The following PTPRG variants were observed in gnomAD, a reference collection of about 807,000 sequenced individuals.
PTPRG encodes the protein receptor-type tyrosine-protein phosphatase gamma.
Under a neutral mutation model 165.3 loss-of-function variants are expected in PTPRG, and 102 were observed. That is an observed-to-expected ratio of 0.62 (90% CI 0.53 to 0.73). PTPRG has a LOEUF of 0.73. Ranked by LOEUF, PTPRG falls within the 30% of genes least tolerant of loss-of-function variation. The pLI is 0.00. For missense variants in PTPRG, 1,866 were observed against 1,861.4 expected, an observed-to-expected ratio of 1.00 and a Z score of -0.05; for synonymous variants, 675 against 669.5, an observed-to-expected ratio of 1.01 and a Z score of -0.13.
chr3:61,857,824 A>G (rs1217751346), intron 2 of PTPRG, among the ~76,000 whole-genome samples: 2 of 152,180 alleles, frequency 1.3e-5, no homozygotes, highest in African/African-American at 4.8e-5. Flanking sequence ...GAAATGACGT[A>G]AGGTGGGTGA....
intron 5 of PTPRG, among the ~76,000 whole-genome samples, chr3:62,090,572 C>T (rs571268134): frequency 5.9e-5 from 9 of 152,148 alleles, no homozygotes; most frequent in Non-Finnish European, 1.2e-4. Context: ...TGTCCTCATC[C>T]GACTAAAACA....
intron 5 of PTPRG, among the ~76,000 whole-genome samples, chr3:62,093,336 C>A (rs1026502252): frequency 1.3e-5 from 2 of 152,200 alleles, no homozygotes; most frequent in African/African-American, 4.8e-5. Context: ...GATCCTCCCG[C>A]CCTCTGCTTC....
At chr3:61,794,596 G>A (rs1575669000) in intron 2 of PTPRG, among the ~76,000 whole-genome samples, 1 of 152,184 alleles carries the variant, frequency 6.6e-6, no homozygotes, top group Non-Finnish European at 1.5e-5. Context: ...AGCATGCTTT[G>A]CTTACACCAG....
chr3:61,920,279 A>T (rs973689615), intron 2 of PTPRG, among the ~76,000 whole-genome samples: 1 of 152,204 alleles, frequency 6.6e-6, no homozygotes, highest in Non-Finnish European at 1.5e-5. Flanking sequence ...CCATGTCTAG[A>T]AATGCTCATC....
chr3:61,910,447 C>T (rs571417040), intron 2 of PTPRG, among the ~76,000 whole-genome samples: 1 of 152,192 alleles, frequency 6.6e-6, no homozygotes, highest in Non-Finnish European at 1.5e-5. Context: ...TGGTAACTCA[C>T]TGTTTTACCT....
chr3:61,912,032 T>C (rs937440553), intron 2 of PTPRG, among the ~76,000 whole-genome samples: 1 of 152,222 alleles, frequency 6.6e-6, no homozygotes, highest in African/African-American at 2.4e-5. Flanking sequence ...GATGTCCTTC[T>C]AATGTAATTA....
intron 2 of PTPRG, among the ~76,000 whole-genome samples, chr3:61,905,799 A>G (rs1181262475): frequency 6.6e-6 from 1 of 152,216 alleles, no homozygotes; most frequent in African/African-American, 2.4e-5. Flanking sequence ...AAATAAAAGC[A>G]AGGGCCAAAG....
rs201153899 is a variant in PTPRG, at chr3:61,661,067, T to TA, written c.86-87806dup. Among the ~76,000 whole-genome samples the TA allele has an allele frequency of 1.4e-4, 21 of 151,234 alleles. No homozygotes were observed. The East Asian group carries it at 2.5e-3, about 18-fold the overall frequency. On this transcript the variant is annotated intron_variant, in intron 1 of 29. Transcript: ENST00000474889. Reference sequence around the variant, plus strand: ...TTTGGACACTTTTTCCCCCCCTAATTAAAAATTTTTTTTTTTTCTTTAAGA... The same window carrying TA: ...TTTGGACACTTTTTCCCCCCCTAATTAAAAAATTTTTTTTTTTTCTTTAAGA...
At chr3:61,692,433 A>G (rs1045226499) in intron 1 of PTPRG, among the ~76,000 whole-genome samples, 1 of 152,224 alleles carries the variant, frequency 6.6e-6, no homozygotes, top group Non-Finnish European at 1.5e-5. Flanking sequence ...TGTTTGGTAG[A>G]TATTAGCTGC....
chr3:61,716,178 T>A (rs758779113), intron 1 of PTPRG, among the ~76,000 whole-genome samples: 21 of 152,210 alleles, frequency 1.4e-4, no homozygotes, highest in Admixed American at 6.5e-4. Flanking sequence ...GAATTGGGGA[T>A]CACGTCACAA....
chr3:61,584,894 C>T (rs1700395682), intron 1 of PTPRG, among the ~76,000 whole-genome samples: 1 of 152,164 alleles, frequency 6.6e-6, no homozygotes, highest in Non-Finnish European at 1.5e-5. Context: ...TTGAAGACTG[C>T]TCTGTGTTTG....
intron 1 of PTPRG, among the ~76,000 whole-genome samples, chr3:61,673,226 A>G (rs533854050): frequency 6.6e-6 from 1 of 152,362 alleles, no homozygotes; most frequent in South Asian, 2.1e-4. Flanking sequence ...CCCTGCATGT[A>G]AAACAAAAAT....
At chr3:62,128,227 A>G (rs781223524) in intron 5 of PTPRG, among the ~76,000 whole-genome samples, 9 of 152,224 alleles carry the variant, frequency 5.9e-5, no homozygotes, top group African/African-American at 1.9e-4. Context: ...TCTGCAGGGA[A>G]AGGGGGTGTC....
chr3:61,790,586 T>C (rs654033), intron 2 of PTPRG, among the ~76,000 whole-genome samples: 45,725 of 152,062 alleles, frequency 0.3, 7,431 homozygotes, highest in East Asian at 0.52. Context: ...AGTTTATAGA[T>C]GTATACTTTC....
In PTPRG at chr3:62,269,020, TTTTTC is replaced by T; in HGVS notation, c.2875-11_2875-7del. 2.6e-6 allele frequency: 4 copies of T among 1,537,076 alleles called. No individual in the cohort carries two copies. The highest frequency in any genetic ancestry group is 3.5e-6 in the Non-Finnish European group (4 of 1,131,960). On this transcript the variant is annotated splice_polypyrimidine_tract_variant and intron_variant, in intron 19 of 29. Transcript: ENST00000474889. ...TAGATTGCAGTTATACTTTACAACTTTTTTCTTTCTGCAGCGAAAATGTGATCAGT... is the reference window on the plus strand; with the variant it reads ...TAGATTGCAGTTATACTTTACAACTTTTTCTGCAGCGAAAATGTGATCAGT...
In PTPRG at chr3:62,210,957, A is replaced by G. The variant is rs539439382; in HGVS notation, c.2155+7007A>G. On this transcript the variant is annotated intron_variant, in intron 12 of 29. Coordinates refer to ENST00000474889, the MANE Select transcript of PTPRG (RefSeq NM_002841.4). This position sits in a 1 kb window ranked among gnomAD's most constrained non-coding sequence, Gnocchi z 4.1. ...AAAAGTTATACATGAATTTCTGACT[A>G]TTCAGGGATTAGCACCCCTAATGCC... 5.3e-4 allele frequency among the ~76,000 whole-genome samples: 81 copies of G among 152,334 alleles called. No individual in the cohort carries two copies. The highest frequency in any genetic ancestry group is 1.8e-3 in the African/African-American group (74 of 41,574).
At chr3:61,641,123 G>A (rs1436846010) in intron 1 of PTPRG, among the ~76,000 whole-genome samples, 1 of 152,176 alleles carries the variant, frequency 6.6e-6, no homozygotes, top group African/African-American at 2.4e-5. Context: ...ACTCCTTGGA[G>A]TAGCCTGTTA....
At chr3:61,936,157 G>T (rs1168378543) in intron 2 of PTPRG, among the ~76,000 whole-genome samples, 1 of 152,162 alleles carries the variant, frequency 6.6e-6, no homozygotes, top group African/African-American at 2.4e-5. Flanking sequence ...CAGTCCTGTT[G>T]GTGCCTTGAC....
intron 5 of PTPRG, among the ~76,000 whole-genome samples, chr3:62,131,145 A>T (rs538462797): frequency 8.5e-5 from 13 of 152,256 alleles, no homozygotes; most frequent in Non-Finnish European, 1.6e-4. Flanking sequence ...GCCAGAAAAG[A>T]TATTGTAGAG....
Sources: allele counts gnomAD v4.1 joint callset (sites outside exome capture counted in the v4.1 genomes callset), GRCh38; gene constraint gnomAD v4.1.1; non-coding constraint Gnocchi (gnomAD v3.1); transcripts MANE v1.5; gene names NCBI Gene and HGNC (gene_info 2026-07-23, HGNC 2026-07-21).